The following ACSL5 variants were observed in gnomAD, a reference collection of about 807,000 sequenced individuals.
The protein encoded by ACSL5 is long-chain-fatty-acid--CoA ligase 5.
Under a neutral mutation model 84.9 loss-of-function variants are expected in ACSL5, and 50 were observed. That is an observed-to-expected ratio of 0.59 (90% CI 0.47 to 0.75). The LOEUF (loss-of-function observed/expected upper bound fraction) is 0.75. Among genes scored for constraint, ACSL5 ranks in the 30% least tolerant of loss-of-function variants. The pLI is 0.00. For missense variants in ACSL5, 775 were observed against 830.4 expected (o/e 0.93, Z 0.82); for synonymous variants, 280 against 300.7 (o/e 0.93, Z 0.71).
rs146264703 is a variant in ACSL5, at chr10:112,384,660, G to A, written c.-29-10258G>A. 4.7e-4 allele frequency among the ~76,000 whole-genome samples: 72 copies of A among 152,078 alleles called. 1 individual carries two copies. In the East Asian group the frequency reaches 9.5e-3, roughly 20 times the overall value. On this transcript the variant is annotated intron_variant, in intron 1 of 20. Transcript: ENST00000354655. ...GTAGTGGGGACTACCGGCATGCACC[G>A]CCAAGCGAGGCTAATTTTTGTATTT...
intron 1 of ACSL5, among the ~76,000 whole-genome samples, chr10:112,384,081 G>T (rs11813362): frequency 0.49 from 73,886 of 151,658 alleles, 18,092 homozygotes; most frequent in South Asian, 0.58. Flanking sequence ...AGCTACTTGG[G>T]AGGCTGAGGC....
chr10:112,427,351 A>G lies in ACSL5; in HGVS notation c.2045A>G (p.Gln682Arg), dbSNP rs1844772905. ...ATTGACAGCCTGTATGAGCACATCC[A>G]GGATTAGGATAAGGTACTTAAGTAC... ...TQIDSLYEHI[Q>R]D The change falls in exon 21 of 21, where the codon CAG (glutamine) becomes CGG (arginine). Residue 682 changes from glutamine to arginine, a missense_variant. Transcript: ENST00000354655. The G allele has an allele frequency of 6.2e-7, 1 of 1,612,216 alleles. No homozygotes were observed. The highest frequency in any genetic ancestry group is 1.3e-5 in the African/African-American group (1 of 74,826).
chr10:112,379,658 A>AT (rs960016983), intron 1 of ACSL5, among the ~76,000 whole-genome samples: 8 of 152,120 alleles, frequency 5.3e-5, no homozygotes, highest in Admixed American at 4.6e-4. Context: ...TTAAGTAGCG[A>AT]TTTTCACCTG....
intron 6 of ACSL5, chr10:112,409,105 A>T (rs990931278): frequency 1.2e-5 from 2 of 173,140 alleles, no homozygotes; most frequent in Non-Finnish European, 2.5e-5. Flanking sequence ...AGCAAATGCT[A>T]AAATTTAGAA....
chr10:112,422,422 A>T lies in ACSL5; in HGVS notation c.1574A>T (p.Asp525Val). The change falls in exon 17 of 21, where the codon GAC (aspartate) becomes GTC (valine). Residue 525 changes from aspartate to valine, a missense_variant. Coordinates refer to ENST00000354655, the MANE Select transcript of ACSL5 (RefSeq NM_203379.2). Reference sequence around the variant, plus strand: ...AGTGATGGCTGGCTTCACACAGGAGACATTGGTCGCTGGCTCCCGGTAGGT... The same window carrying T: ...AGTGATGGCTGGCTTCACACAGGAGTCATTGGTCGCTGGCTCCCGGTAGGT... Reference protein sequence around the residue: ...LDSDGWLHTGDIGRWLPNGTL... With the variant: ...LDSDGWLHTGVIGRWLPNGTL... The T allele has an allele frequency of 5.6e-6, 9 of 1,614,096 alleles. No homozygotes were observed. The highest frequency in any genetic ancestry group is 7.6e-6 in the Non-Finnish European group (9 of 1,179,972).
Position 112,416,909 on chromosome 10 carries a change from C to G in ACSL5, c.1105C>G (p.Pro369Ala). 6.2e-7 allele frequency: 1 copy of G among 1,614,110 alleles called. No homozygotes were observed. The highest frequency in any genetic ancestry group is 8.5e-7 in the Non-Finnish European group (1 of 1,180,006). ...GCAGGTACAAAATGAGGCCAAGACA[C>G]CCTTGAAGAAGTTCTTGTTGAAGCT... ...YDKVQNEAKTPLKKFLLKLAV... is the reference protein window; with the variant it reads ...YDKVQNEAKTALKKFLLKLAV... The change falls in exon 13 of 21, where the codon CCC becomes GCC. Residue 369 changes from proline to alanine, a missense_variant. Coordinates refer to ENST00000354655, the MANE Select transcript of ACSL5 (RefSeq NM_203379.2).
chr10:112,414,362 T>C (rs1844266004), intron 12 of ACSL5, among the ~76,000 whole-genome samples: 1 of 144,706 alleles, frequency 6.9e-6, no homozygotes, highest in Admixed American at 6.9e-5. Flanking sequence ...CTTTTTTTTT[T>C]TTTTTTTTTT....
Position 112,411,947 on chromosome 10 carries a change from C to T in ACSL5, c.916C>T (p.Pro306Ser), listed in dbSNP as rs762660984. The T allele has an allele frequency of 6.2e-7, 1 of 1,614,024 alleles. No homozygotes were observed. Among genetic ancestry groups the T allele is most frequent in the Non-Finnish European group, 8.5e-7 (1 of 1,179,870 alleles). ...TGATGATGTGGCCATATCCTACCTC[C>T]CTCTGGCTCATATGTTTGAGAGGAT... is the stretch of plus-strand genomic sequence containing the variant. ...TPDDVAISYLPLAHMFERIVQ... is the reference protein window; with the variant it reads ...TPDDVAISYLSLAHMFERIVQ... Residue 306 changes from proline to serine, a missense_variant, in exon 11 of 21, where the codon CCT (proline) becomes TCT (serine). Coordinates refer to ENST00000354655, the MANE Select transcript of ACSL5 (RefSeq NM_203379.2).
Position 112,379,130 on chromosome 10 carries a change from C to T in ACSL5, c.-30+4861C>T, listed in dbSNP as rs566588950. ...TAGAAATGAGGGCTTGTTGGCCGGG[C>T]GCAGTGGCTCATGCCAGTAATCCCA... On this transcript the variant is annotated intron_variant, in intron 1 of 20. Transcript: ENST00000354655. Among the ~76,000 whole-genome samples, 83 of 152,100 alleles carry T rather than the reference C, an allele frequency of 5.5e-4. 1 individual carries two copies. Among genetic ancestry groups the T allele is most frequent in the African/African-American group, 1.9e-3 (78 of 41,508 alleles).
At chr10:112,389,776 G>A (rs1849521289) in intron 1 of ACSL5, among the ~76,000 whole-genome samples, 1 of 152,184 alleles carries the variant, frequency 6.6e-6, no homozygotes, top group African/African-American at 2.4e-5. Flanking sequence ...GGTAAACAGA[G>A]CTTCCTACTC....
chr10:112,394,970 G>A lies in ACSL5; in HGVS notation c.24G>A (p.Leu8=). 1.2e-6 allele frequency: 2 copies of A among 1,612,878 alleles called. No individual in the cohort carries two copies. The highest frequency in any genetic ancestry group is 1.7e-6 in the Non-Finnish European group (2 of 1,179,788). MLFIFNF[L]FSPLPTPALI... ...AGATGCTTTTTATCTTTAACTTTTT[G>A]TTTTCCCCACTTCCGACCCCGGCGT... Residue 8 remains leucine (L), a synonymous_variant, in exon 2 of 21, where the codon TTG becomes TTA. Transcript: ENST00000354655.
chr10:112,408,473 C>G lies in ACSL5; in HGVS notation c.484C>G (p.Leu162Val). 1 of 1,613,794 alleles carries G rather than the reference C, an allele frequency of 6.2e-7. No homozygotes were observed. The highest frequency in any genetic ancestry group is 8.5e-7 in the Non-Finnish European group (1 of 1,179,742). Residue 162 changes from leucine to valine, a missense_variant, in exon 6 of 21, where the codon CTG becomes GTG. Physicochemically the swap from Leu to Val is conservative, Grantham distance 32. Coordinates refer to ENST00000354655, the MANE Select transcript of ACSL5 (RefSeq NM_203379.2). Reference protein sequence around the residue: ...CYTYSMVAVPLYDTLGPEAIV... With the variant: ...CYTYSMVAVPVYDTLGPEAIV... ...CACGTACTCTATGGTAGCTGTACCTCTGTATGACACCTTGGGACCAGAAGC... is the reference window on the plus strand; with the variant it reads ...CACGTACTCTATGGTAGCTGTACCTGTGTATGACACCTTGGGACCAGAAGC...
chr10:112,385,377 C>G (rs1849428994), intron 1 of ACSL5, among the ~76,000 whole-genome samples: 1 of 152,152 alleles, frequency 6.6e-6, no homozygotes, highest in Admixed American at 6.5e-5. Context: ...TGATGTCTTT[C>G]TATGAGATAA....
At chr10:112,420,939 C>T in intron 14 of ACSL5, among the ~76,000 whole-genome samples, 1 of 152,036 alleles carries the variant, frequency 6.6e-6, no homozygotes, top group East Asian at 1.9e-4. Context: ...TCAGGCTGGT[C>T]TCGAACTCAT....
intron 9 of ACSL5, 22 bp from the exon 10 acceptor site, chr10:112,411,434 C>T: frequency 1.3e-6 from 2 of 1,588,366 alleles, no homozygotes; most frequent in South Asian, 1.1e-5. Context: ...GTATCTTTCT[C>T]TCCACCTCTT....
At chr10:112,417,545 C>G (rs1370950865) in intron 13 of ACSL5, among the ~76,000 whole-genome samples, 1 of 151,732 alleles carries the variant, frequency 6.6e-6, no homozygotes, top group African/African-American at 2.4e-5. Flanking sequence ...AGCACTCTCT[C>G]TTATTTTCTT....
intron 10 of ACSL5, 132 bp downstream of exon 10, chr10:112,411,661 G>A: frequency 4.2e-6 from 4 of 947,448 alleles, no homozygotes; most frequent in Middle Eastern, 3.0e-4. Flanking sequence ...AAAGGCTGGA[G>A]TGTGGACAAA....
chr10:112,406,202 G>A (rs1434322557), intron 5 of ACSL5: 1 of 152,188 alleles, frequency 6.6e-6, no homozygotes, highest in African/African-American at 2.4e-5. Context: ...TTTTCTCACA[G>A]TTCTGGAGTC....
intron 12 of ACSL5, among the ~76,000 whole-genome samples, chr10:112,415,608 G>A (rs915498983): frequency 6.6e-6 from 1 of 152,210 alleles, no homozygotes; most frequent in Non-Finnish European, 1.5e-5. Context: ...GGATCTTGGA[G>A]ACAGATTATG....
Sources: allele counts gnomAD v4.1 joint callset (sites outside exome capture counted in the v4.1 genomes callset), GRCh38; gene constraint gnomAD v4.1.1; transcripts MANE v1.5; gene names NCBI Gene and HGNC (gene_info 2026-07-23, HGNC 2026-07-21).